Variants in ZEB2 observed in about 807,000 individuals in gnomAD.
The protein encoded by ZEB2 is zinc finger E-box binding homeobox 2, also known as zinc finger E-box-binding homeobox 2.
Under a neutral mutation model 99.9 loss-of-function variants are expected in ZEB2, and 6 were observed. The observed-to-expected ratio is 0.06, with a 90% confidence interval of 0.03 to 0.12. The LOEUF is 0.12. ZEB2 is among the 10% of genes least tolerant of loss of function. The pLI is 1.00. For missense variants in ZEB2, 969 were observed against 1,502.8 expected (o/e 0.64, Z 5.87); for synonymous variants, 517 against 542.5 (o/e 0.95, Z 0.65).
chr2:144,408,898 C>G (rs1408925313), intron 4 of ZEB2, among the ~76,000 whole-genome samples: 1 of 151,880 alleles, frequency 6.6e-6, no homozygotes, highest in African/African-American at 2.4e-5. Flanking sequence ...AATCCCTTCC[C>G]TATGATTTTA....
At chr2:144,416,083 C>T (rs956551624) in intron 4 of ZEB2, among the ~76,000 whole-genome samples, 2 of 152,216 alleles carry the variant, frequency 1.3e-5, no homozygotes, top group Non-Finnish European at 2.9e-5. Flanking sequence ...GGGACAAGAA[C>T]CAGAACCGCG....
chr2:144,441,483 T>A (rs1573753684), intron 2 of ZEB2, among the ~76,000 whole-genome samples: 1 of 150,168 alleles, frequency 6.7e-6, no homozygotes, highest in South Asian at 2.1e-4. Flanking sequence ...TGCTTCTTCC[T>A]CATTTTACCT....
chr2:144,480,726 T>TAA (rs765124109), intron 2 of ZEB2, among the ~76,000 whole-genome samples: 8 of 51,722 alleles, frequency 1.5e-4, no homozygotes, highest in African/African-American at 4.4e-4. Flanking sequence ...TACTAAAAGT[T>TAA]AAAAAAAAAA....
At position 144,513,316 on chromosome 2, in the gene ZEB2, T is replaced by G. The variant is rs759655039; in HGVS notation, c.73+3962A>C. ...GTTTCTCCTCTAGGATCCAAAGCCC[T>G]GAGAACATTCAACTTGATCCCTGTT... On this transcript the variant is annotated intron_variant, in intron 2 of 9. Transcript: ENST00000627532. The G allele has an allele frequency of 2.5e-4, 318 of 1,296,590 alleles. 1 individual carries two copies. The highest frequency in any genetic ancestry group is 3.1e-4 in the Non-Finnish European group (312 of 995,310). 80.3% of individuals were successfully genotyped at this position (1,296,590 alleles called of 1,614,324 possible).
At chr2:144,512,011 C>T (rs1271638242) in intron 2 of ZEB2, 1 of 1,287,072 alleles carries the variant, frequency 7.8e-7, no homozygotes, top group African/African-American at 1.5e-5. Context: ...TCTGAAAAGA[C>T]AACCAAAGAG....
At chr2:144,472,261 A>G (rs1704368277) in intron 2 of ZEB2, among the ~76,000 whole-genome samples, 1 of 152,060 alleles carries the variant, frequency 6.6e-6, no homozygotes, top group Non-Finnish European at 1.5e-5. Context: ...CTTTATAATC[A>G]TCCTCAAAAA....
intron 4 of ZEB2, among the ~76,000 whole-genome samples, chr2:144,423,351 T>G (rs929947821): frequency 1.8e-4 from 28 of 152,226 alleles, no homozygotes; most frequent in Non-Finnish European, 3.4e-4. Context: ...ATCCCATGAG[T>G]TGGGACATTA....
At chr2:144,394,858 G>GC (rs1703200136) in intron 9 of ZEB2, among the ~76,000 whole-genome samples, 1 of 152,152 alleles carries the variant, frequency 6.6e-6, no homozygotes, top group Non-Finnish European at 1.5e-5. Flanking sequence ...GCTGCCTCCA[G>GC]CATGTGCCCA....
At chr2:144,457,629 A>C (rs1340787509) in intron 2 of ZEB2, among the ~76,000 whole-genome samples, 3 of 152,084 alleles carry the variant, frequency 2.0e-5, no homozygotes, top group Non-Finnish European at 4.4e-5. Context: ...AGATATAAGG[A>C]AGAGGACCTG....
At chr2:144,488,663 G>T (rs918488977) in intron 2 of ZEB2, among the ~76,000 whole-genome samples, 1 of 70,504 alleles carries the variant, frequency 1.4e-5, no homozygotes, top group South Asian at 8.5e-4. Flanking sequence ...ATAATTGCTC[G>T]TGTGTGAGTG....
chr2:144,501,049 G>C (rs955536150), intron 2 of ZEB2, among the ~76,000 whole-genome samples: 20 of 144,980 alleles, frequency 1.4e-4, no homozygotes, highest in African/African-American at 5.2e-4. Context: ...AGCAGAGCCT[G>C]TTCCTCACTC....
At chr2:144,486,251 T>C (rs2149916827) in intron 2 of ZEB2, among the ~76,000 whole-genome samples, 1 of 152,298 alleles carries the variant, frequency 6.6e-6, no homozygotes, top group African/African-American at 2.4e-5. Context: ...ATCTCTCTTC[T>C]GACTAAATTT....
At chr2:144,483,890 A>T (rs891863843) in intron 2 of ZEB2, among the ~76,000 whole-genome samples, 2 of 152,188 alleles carry the variant, frequency 1.3e-5, no homozygotes, top group Non-Finnish European at 2.9e-5. Context: ...CCTGATGCTG[A>T]TTGTATAAAC....
chr2:144,512,107 C>A, intron 2 of ZEB2: 1 of 1,287,182 alleles, frequency 7.8e-7, no homozygotes, highest in South Asian at 1.2e-5. Flanking sequence ...GACACCCCAG[C>A]ACCATTGACG....
At position 144,412,100 on chromosome 2, in the gene ZEB2, T is replaced by C. The variant is rs191808838; in HGVS notation, c.404-7076A>G. Among the ~76,000 whole-genome samples the C allele has an allele frequency of 2.6e-5, 4 of 152,138 alleles. No homozygotes were observed. The South Asian group carries it at 8.3e-4, about 31-fold the overall frequency. ...GCCTGACCAACATGGAGAAACACCA[T>C]CTCTACTAAAAATACAAAATTAGCC... On this transcript the variant is annotated intron_variant, in intron 4 of 9. Coordinates refer to ENST00000627532, the MANE Select transcript of ZEB2 (RefSeq NM_014795.4).
intron 2 of ZEB2, among the ~76,000 whole-genome samples, chr2:144,473,345 A>T (rs1461733163): frequency 6.6e-6 from 1 of 152,184 alleles, no homozygotes; most frequent in Non-Finnish European, 1.5e-5. Flanking sequence ...AATTTGCCAA[A>T]GCCAGTGTCA....
At chr2:144,416,892 T>A (rs892133986) in intron 4 of ZEB2, among the ~76,000 whole-genome samples, 2 of 152,258 alleles carry the variant, frequency 1.3e-5, no homozygotes, top group African/African-American at 4.8e-5. Flanking sequence ...CTGAACACTT[T>A]GCATTTGAAC....
chr2:144,422,540 C>T (rs1034672644), intron 4 of ZEB2, among the ~76,000 whole-genome samples: 1 of 152,248 alleles, frequency 6.6e-6, no homozygotes, highest in African/African-American at 2.4e-5. Context: ...TGGCACATGC[C>T]TGTAATCCCG....
Position 144,415,004 on chromosome 2 carries a change from CT to C in ZEB2, c.403+9791del, listed in dbSNP as rs71404501. On this transcript the variant is annotated intron_variant, in intron 4 of 9. Transcript: ENST00000627532. The stretch of plus-strand genomic sequence containing the variant: ...TGTGTAGAAAATTTTTACTTTTTTT[CT>C]TTTTTTTTTTTAAATGTCCCCATTC... Among the ~76,000 whole-genome samples, 269 of 140,172 alleles carry C rather than the reference CT, an allele frequency of 1.9e-3. 1 individual carries two copies. The highest frequency in any genetic ancestry group is 3.7e-3 in the Middle Eastern group (1 of 270). 92.0% of individuals were successfully genotyped at this position (140,172 alleles called of 152,430 possible). A position where few individuals can be genotyped will look rare whatever the true frequency, so the allele number is the denominator to read the frequency against.
Sources: allele counts gnomAD v4.1 joint callset (sites outside exome capture counted in the v4.1 genomes callset), GRCh38; gene constraint gnomAD v4.1.1; transcripts MANE v1.5; gene names NCBI Gene and HGNC (gene_info 2026-07-23, HGNC 2026-07-21).